ASNSD1: variants seen among roughly 807,000 people sequenced by gnomAD.
ASNSD1 encodes the protein asparagine synthetase domain containing 1, also known as asparagine synthetase domain-containing protein 1.
A neutral mutation model predicts 48.3 loss-of-function variants in ASNSD1; 36 were observed. The ratio of observed to expected loss-of-function variants is 0.75; its 90% CI spans 0.57 to 0.99. The LOEUF (loss-of-function observed/expected upper bound fraction) is 0.99. Ranked by LOEUF, ASNSD1 falls within the 50% of genes least tolerant of loss-of-function variation. The probability of loss-of-function intolerance (pLI) is 0.00; values close to 1 mark genes in which losing one functional copy is unlikely to be tolerated. For missense variants in ASNSD1, 714 were observed against 758.2 expected (o/e 0.94, Z 0.69); for synonymous variants, 257 against 262.1 (o/e 0.98, Z 0.19).
Position 189,663,245 on chromosome 2 carries a change from T to A in ASNSD1, c.-222-656T>A, listed in dbSNP as rs549929811. Among the ~76,000 whole-genome samples, 142 of 132,204 alleles carry A rather than the reference T, an allele frequency of 1.1e-3. 1 individual carries two copies. Among genetic ancestry groups the A allele is most frequent in the African/African-American group, 4.3e-3 (134 of 30,950 alleles). The allele number at this position is 132,204 out of a possible 152,430, so 86.7% of individuals were successfully genotyped here. A position where few individuals can be genotyped will look rare whatever the true frequency, so the allele number is the denominator to read the frequency against. ...GTGTATATCATATATATATATTTTT[T>A]AAATTATTTATTTATTTATTTTTTT... On this transcript the variant is annotated intron_variant, in intron 1 of 5. Coordinates refer to ENST00000260952, the MANE Select transcript of ASNSD1 (RefSeq NM_019048.4).
At chr2:189,668,472 G>A (rs1179269547) in intron 5 of ASNSD1, among the ~76,000 whole-genome samples, 1 of 151,904 alleles carries the variant, frequency 6.6e-6, no homozygotes, top group Admixed American at 6.6e-5. Context: ...TCGCGCCACC[G>A]CACTCCAGCC....
At chr2:189,662,247 T>TA (rs2032684567) in intron 1 of ASNSD1, among the ~76,000 whole-genome samples, 1 of 152,240 alleles carries the variant, frequency 6.6e-6, no homozygotes, top group African/African-American at 2.4e-5. Flanking sequence ...ATATAAGCCT[T>TA]AACTGCCATA....
Position 189,667,226 on chromosome 2 carries a change from C to CTA in ASNSD1, c.1095_1096dup (p.Thr366IlefsTer49), listed in dbSNP as rs779854033. On this transcript the variant is annotated frameshift_variant, in exon 4 of 6. Transcript: ENST00000260952. LOFTEE classifies it high-confidence loss of function. Reference sequence around the variant, plus strand: ...ATAGCTGAAGAAAAGACCATGCCAACTACCTTTAACAGAGAAGGGAATAAA... The same window carrying CTA: ...ATAGCTGAAGAAAAGACCATGCCAACTATACCTTTAACAGAGAAGGGAATAAA... 6.2e-7 allele frequency: 1 copy of CTA among 1,614,046 alleles called. No homozygotes were observed. The highest frequency in any genetic ancestry group is 2.2e-5 in the East Asian group (1 of 44,886).
intron 1 of ASNSD1, among the ~76,000 whole-genome samples, chr2:189,662,512 T>A (rs2032690930): frequency 6.6e-6 from 1 of 152,170 alleles, no homozygotes; most frequent in African/African-American, 2.4e-5. Context: ...TTCAACCTCA[T>A]TACTACAGCT....
Position 189,667,816 on chromosome 2 carries a change from A to G in ASNSD1, c.1517A>G (p.His506Arg). ...GAGCAACTTGCAGGTTATTCTCGTC[A>G]TCGTGTCCGCTTTCAGTCGCATGGG... Reference protein sequence around the residue: ...ADEQLAGYSRHRVRFQSHGLE... With the variant: ...ADEQLAGYSRRRVRFQSHGLE... Residue 506 changes from histidine to arginine, a missense_variant, in exon 5 of 6, where the codon CAT (histidine) becomes CGT (arginine). By Grantham distance (29) the His-to-Arg change is conservative. Coordinates refer to ENST00000260952, the MANE Select transcript of ASNSD1 (RefSeq NM_019048.4). 1 of 1,614,098 alleles carries G rather than the reference A, an allele frequency of 6.2e-7. No individual in the cohort carries two copies. Among genetic ancestry groups the G allele is most frequent in the Non-Finnish European group, 8.5e-7 (1 of 1,180,018 alleles).
Position 189,667,786 on chromosome 2 carries a change from C to T in ASNSD1, c.1487C>T (p.Ala496Val). 1 of 1,613,256 alleles carries T rather than the reference C, an allele frequency of 6.2e-7. No individual in the cohort carries two copies. Among genetic ancestry groups the T allele is most frequent in the Non-Finnish European group, 8.5e-7 (1 of 1,179,758 alleles). ...NAKVVLTGIG[A>V]DEQLAGYSRH... ...TAGGTAGTTCTCACTGGAATTGGTG[C>T]AGATGAGCAACTTGCAGGTTATTCT... The change falls in exon 5 of 6, where the codon GCA becomes GTA. Residue 496 changes from alanine to valine, a missense_variant. Ala to Val is a moderately conservative substitution (Grantham distance 64). Coordinates refer to ENST00000260952, the MANE Select transcript of ASNSD1 (RefSeq NM_019048.4).
intron 3 of ASNSD1, among the ~76,000 whole-genome samples, 183 bp downstream of exon 3, chr2:189,665,634 A>ATGTGTG (rs1254218394): frequency 1.6e-5 from 2 of 124,596 alleles, no homozygotes; most frequent in Non-Finnish European, 3.4e-5. Flanking sequence ...ATATATATAT[A>ATGTGTG]TATATATATA....
At chr2:189,665,517 A>G (rs1454509561) in intron 3 of ASNSD1, 66 bp downstream of exon 3, 3 of 381,406 alleles carry the variant, frequency 7.9e-6, no homozygotes, top group Non-Finnish European at 1.4e-5. Context: ...GTGTTAAAAT[A>G]TATATCTAAA....
rs2032809216 is a variant in ASNSD1, at chr2:189,666,547, G to C, written c.415G>C (p.Gly139Arg). 6.2e-7 allele frequency: 1 copy of C among 1,611,906 alleles called. No individual in the cohort carries two copies. The highest frequency in any genetic ancestry group is 1.7e-5 in the Admixed American group (1 of 59,442). Reference protein sequence around the residue: ...HYLWFGRDFFGRRSLLWHFSN... With the variant: ...HYLWFGRDFFRRRSLLWHFSN... Reference sequence around the variant, plus strand: ...TTTATGGTTTGGTAGGGATTTTTTTGGTCGCCGTAGCTTGCTTTGGCATTT... The same window carrying C: ...TTTATGGTTTGGTAGGGATTTTTTTCGTCGCCGTAGCTTGCTTTGGCATTT... The change falls in exon 4 of 6, where the codon GGT becomes CGT. Residue 139 changes from glycine to arginine, a missense_variant. Physicochemically the swap from Gly to Arg is moderately radical, Grantham distance 125 (BLOSUM62 -2). Transcript: ENST00000260952.
intron 1 of ASNSD1, among the ~76,000 whole-genome samples, chr2:189,661,826 C>A (rs140476455): frequency 8.1e-4 from 123 of 152,346 alleles, no homozygotes; most frequent in Middle Eastern, 6.8e-3. Context: ...TGTCCCGAGA[C>A]TGGACCCAGG....
At chr2:189,665,947 T>G in intron 3 of ASNSD1, 94 bp from the exon 4 acceptor site, 1 of 543,058 alleles carries the variant, frequency 1.8e-6, no homozygotes, top group East Asian at 3.0e-5. Flanking sequence ...TATGGTTTGA[T>G]TTTGGTAAAC....
rs2032662317 is a variant in ASNSD1, at chr2:189,661,507, T to TG, written c.-325dup. The TG allele has an allele frequency of 1.3e-5, 5 of 399,108 alleles. No individual in the cohort carries two copies. The highest frequency in any genetic ancestry group is 4.4e-5 in the Admixed American group (1 of 22,718). The allele number at this position is 399,108 out of a possible 1,614,324, so 24.7% of individuals were successfully genotyped here. Reference sequence around the variant, plus strand: ...CAGGGCTGAGCCATCCCGCGTGTCTTGCGCTCGGTGGAAATGCCCAGCCGA... The same window carrying TG: ...CAGGGCTGAGCCATCCCGCGTGTCTTGGCGCTCGGTGGAAATGCCCAGCCGA... On this transcript the variant is annotated 5_prime_UTR_variant, in exon 1 of 6. Transcript: ENST00000260952.
chr2:189,662,948 CAA>C lies in ASNSD1; in HGVS notation c.-222-933_-222-932del, dbSNP rs67898532. Among the ~76,000 whole-genome samples, 150 of 76,972 alleles carry C rather than the reference CAA, an allele frequency of 1.9e-3. 1 individual carries two copies. In the South Asian group the frequency reaches 0.023, roughly 12 times the overall value. The allele number at this position is 76,972 out of a possible 152,430, so 50.5% of individuals were successfully genotyped here. Reference sequence around the variant, plus strand: ...TGGGTAACAGAGCAAGACCCTGTTTCAAAAAAAAAAAAAAAAAAAAAGCCCAG... The same window carrying C: ...TGGGTAACAGAGCAAGACCCTGTTTCAAAAAAAAAAAAAAAAAAAGCCCAG... On this transcript the variant is annotated intron_variant, in intron 1 of 5. Coordinates refer to ENST00000260952, the MANE Select transcript of ASNSD1 (RefSeq NM_019048.4).
intron 2 of ASNSD1, 85 bp downstream of exon 2, chr2:189,664,039 G>C: frequency 2.8e-6 from 1 of 355,992 alleles, no homozygotes; most frequent in Non-Finnish European, 5.0e-6. Flanking sequence ...GTATATATAA[G>C]ATTTAATCAT....
At chr2:189,664,273 A>G (rs2105683321) in intron 2 of ASNSD1, among the ~76,000 whole-genome samples, 1 of 152,338 alleles carries the variant, frequency 6.6e-6, no homozygotes, top group South Asian at 2.1e-4. Flanking sequence ...ATATAAACGA[A>G]CTTTATATTG....
intron 3 of ASNSD1, among the ~76,000 whole-genome samples, chr2:189,665,712 T>C (rs73979023): frequency 0.094 from 13,646 of 145,150 alleles, 1,122 homozygotes; most frequent in African/African-American, 0.21. Flanking sequence ...GGTCTAAGTA[T>C]GACAAACCAT....
intron 5 of ASNSD1, among the ~76,000 whole-genome samples, chr2:189,670,030 T>C (rs776437205): frequency 9.9e-5 from 15 of 152,110 alleles, no homozygotes; most frequent in Non-Finnish European, 1.9e-4. Flanking sequence ...GCTCGTAGGC[T>C]AGGTGCGGTG....
At chr2:189,665,644 A>ATATG (rs1455945789) in intron 3 of ASNSD1, among the ~76,000 whole-genome samples, 193 bp downstream of exon 3, 29 of 123,744 alleles carry the variant, frequency 2.3e-4, no homozygotes, top group East Asian at 9.6e-4. Context: ...ATATATATAT[A>ATATG]TATTATAAAT....
In ASNSD1 at chr2:189,667,520, C is replaced by G. The variant is rs561528594; in HGVS notation, c.1388C>G (p.Ala463Gly). 7.4e-6 allele frequency: 12 copies of G among 1,614,080 alleles called. No homozygotes were observed. In the African/African-American group the frequency reaches 1.5e-4, roughly 20 times the overall value. Residue 463 changes from alanine (A) to glycine (G), a missense_variant, in exon 4 of 6, where the codon GCA becomes GGA. Coordinates refer to ENST00000260952, the MANE Select transcript of ASNSD1 (RefSeq NM_019048.4). ...GTTTTGGATGATAGCATTGGCTGTG[C>G]AGTCTGGTTTGCTTCTAGAGGAATT... ...DTVLDDSIGCAVWFASRGIGW... is the reference protein window; with the variant it reads ...DTVLDDSIGCGVWFASRGIGW...
Sources: gnomAD v4.1 joint callset for allele counts (sites outside exome capture counted in the v4.1 genomes callset) on GRCh38, gnomAD v4.1.1 for gene constraint, MANE v1.5 for transcripts, NCBI Gene and HGNC (gene_info 2026-07-23, HGNC 2026-07-21) for gene names.